AKT3: variants seen among roughly 807,000 people sequenced by gnomAD.
The protein encoded by AKT3 is RAC-gamma serine/threonine-protein kinase.
AKT3 carries 15 observed loss-of-function variants against 65.3 expected under a neutral mutation model. The observed-to-expected ratio is 0.23, with a 90% CI of 0.15 to 0.35. AKT3 has a LOEUF of 0.35. AKT3 is among the 10% of genes least tolerant of loss of function. The pLI is 1.00. For synonymous variants in AKT3, 206 were observed against 183.8 expected (o/e 1.12, Z -0.98); for missense variants, 243 against 576.5 (o/e 0.42, Z 5.92).
chr1:243,684,607 G>A (rs769070312), intron 3 of AKT3, among the ~76,000 whole-genome samples: 3 of 152,132 alleles, frequency 2.0e-5, no homozygotes, highest in Non-Finnish European at 4.4e-5. Flanking sequence ...GAATAGGGCT[G>A]CAATAAACAT....
chr1:243,537,806 C>A (rs1055077704), intron 12 of AKT3, among the ~76,000 whole-genome samples: 8 of 152,190 alleles, frequency 5.3e-5, no homozygotes, highest in Admixed American at 5.2e-4. Flanking sequence ...ACCACAGATT[C>A]CCAGTTCCTC....
At chr1:243,756,029 A>T (rs1395357649) in intron 2 of AKT3, among the ~76,000 whole-genome samples, 1 of 152,238 alleles carries the variant, frequency 6.6e-6, no homozygotes, top group Non-Finnish European at 1.5e-5. Flanking sequence ...GAACCATATA[A>T]GTCATATATT....
At chr1:243,614,757 A>G (rs1572033521) in intron 7 of AKT3, among the ~76,000 whole-genome samples, 1 of 152,296 alleles carries the variant, frequency 6.6e-6, no homozygotes, top group East Asian at 1.9e-4. Context: ...TTTACATTTA[A>G]GAAATTTTTA....
chr1:243,546,945 T>G (rs1672714551), intron 11 of AKT3: 1 of 152,086 alleles, frequency 6.6e-6, no homozygotes, highest in East Asian at 1.9e-4. Flanking sequence ...AATGGAGACT[T>G]CAGAACTTCA....
intron 2 of AKT3, among the ~76,000 whole-genome samples, chr1:243,756,593 G>A (rs1689155776): frequency 6.6e-6 from 1 of 152,184 alleles, no homozygotes; most frequent in African/African-American, 2.4e-5. Context: ...TCTATGAATG[G>A]AGAGTTTCCT....
chr1:243,679,026 A>G (rs1683729035), intron 3 of AKT3, among the ~76,000 whole-genome samples: 1 of 152,000 alleles, frequency 6.6e-6, no homozygotes, highest in Non-Finnish European at 1.5e-5. Context: ...CCTCCTCCTC[A>G]GCCTACTCAA....
chr1:243,836,208 T>C (rs1282588109), intron 2 of AKT3, among the ~76,000 whole-genome samples: 1 of 151,976 alleles, frequency 6.6e-6, no homozygotes, highest in Non-Finnish European at 1.5e-5. Context: ...AGATACAAGA[T>C]GCAAACACTA....
chr1:243,626,679 C>T (rs1426281766), intron 6 of AKT3, among the ~76,000 whole-genome samples: 1 of 152,128 alleles, frequency 6.6e-6, no homozygotes, highest in Non-Finnish European at 1.5e-5. Context: ...GAATTCAGTG[C>T]CTCTGATTCC....
intron 8 of AKT3, among the ~76,000 whole-genome samples, chr1:243,593,823 T>C (rs1213669139): frequency 1.3e-5 from 2 of 152,192 alleles, no homozygotes; most frequent in Non-Finnish European, 2.9e-5. Flanking sequence ...ATGAAAAACT[T>C]ATGACTAACA....
At chr1:243,628,279 C>T (rs963546207) in intron 6 of AKT3, among the ~76,000 whole-genome samples, 2 of 152,076 alleles carry the variant, frequency 1.3e-5, no homozygotes, top group African/African-American at 4.8e-5. Flanking sequence ...CAAGAAGACA[C>T]TTACCATATT....
chr1:243,736,719 C>CCTCAT (rs1687866000), intron 2 of AKT3, among the ~76,000 whole-genome samples: 1 of 152,110 alleles, frequency 6.6e-6, no homozygotes, highest in East Asian at 1.9e-4. Flanking sequence ...ATGAGAAAGT[C>CCTCAT]AAGGCATATG....
chr1:243,769,917 A>G (rs532587817), intron 2 of AKT3, among the ~76,000 whole-genome samples: 2 of 152,198 alleles, frequency 1.3e-5, no homozygotes, highest in South Asian at 4.1e-4. Context: ...ATTCACCCCT[A>G]TGTTTTCTTC....
chr1:243,595,161 C>T (rs2148560622), intron 8 of AKT3, among the ~76,000 whole-genome samples: 1 of 152,324 alleles, frequency 6.6e-6, no homozygotes, highest in African/African-American at 2.4e-5. Flanking sequence ...CCTACTACTT[C>T]TAGGTACAGA....
intron 9 of AKT3, among the ~76,000 whole-genome samples, chr1:243,568,238 T>TA (rs1674313044): frequency 1.3e-5 from 2 of 152,218 alleles, no homozygotes; most frequent in African/African-American, 4.8e-5. Context: ...TGCATCTGTT[T>TA]AATATTCACA....
intron 2 of AKT3, among the ~76,000 whole-genome samples, chr1:243,760,151 A>T (rs1042810194): frequency 5.9e-5 from 9 of 152,052 alleles, no homozygotes; most frequent in Non-Finnish European, 1.3e-4. Flanking sequence ...ACAGGGTCTC[A>T]CTCTGTCGCC....
At chr1:243,635,561 A>G (rs1450129980) in intron 6 of AKT3, among the ~76,000 whole-genome samples, 1 of 151,990 alleles carries the variant, frequency 6.6e-6, no homozygotes, top group African/African-American at 2.4e-5. Context: ...GAAAATCACC[A>G]TTAGAACACA....
At chr1:243,607,323 G>A (rs1207568514) in intron 8 of AKT3, among the ~76,000 whole-genome samples, 1 of 152,228 alleles carries the variant, frequency 6.6e-6, no homozygotes, top group Non-Finnish European at 1.5e-5. Flanking sequence ...AAAGCCACAG[G>A]GGTGGTGCTG....
intron 8 of AKT3, among the ~76,000 whole-genome samples, chr1:243,594,462 C>G (rs1435656156): frequency 6.6e-6 from 1 of 152,128 alleles, no homozygotes; most frequent in Admixed American, 6.5e-5. Context: ...TTCTCTATTT[C>G]AAAATATACT....
intron 2 of AKT3, among the ~76,000 whole-genome samples, chr1:243,821,837 CT>C (rs1290127282): frequency 6.6e-6 from 1 of 152,108 alleles, no homozygotes; most frequent in Admixed American, 6.5e-5. Flanking sequence ...CAGTGGGAGA[CT>C]TTAACACCCC....
Sources: gnomAD v4.1 joint callset for allele counts (sites outside exome capture counted in the v4.1 genomes callset) on GRCh38, gnomAD v4.1.1 for gene constraint, MANE v1.5 for transcripts, NCBI Gene and HGNC (gene_info 2026-07-23, HGNC 2026-07-21) for gene names.